Variants in PTCH1 observed in about 807,000 individuals in gnomAD.
PTCH1 encodes patched 1.
A neutral mutation model predicts 144.6 loss-of-function variants in PTCH1; 14 were observed. That is an observed-to-expected ratio of 0.10 (90% CI 0.06 to 0.15). The LOEUF (loss-of-function observed/expected upper bound fraction) is 0.15, where lower values mean the gene tolerates loss of function less well. Among genes scored for constraint, PTCH1 ranks in the 10% least tolerant of loss-of-function variants. The probability of loss-of-function intolerance (pLI) is 1.00; values close to 1 mark genes in which losing one functional copy is unlikely to be tolerated. For missense variants in PTCH1, 1,623 were observed against 1,948.3 expected (o/e 0.83, Z 3.14); for synonymous variants, 833 against 793.6 (o/e 1.05, Z -0.83).
rs915445373 is a variant in PTCH1 at position 95,444,732 on chromosome 9, C to G, written c.*1661G>C. 3 of 152,236 alleles carry G rather than the reference C, an allele frequency of 2.0e-5. No homozygotes were observed. The highest frequency in any genetic ancestry group is 6.5e-5 in the Admixed American group (1 of 15,284). The allele number at this position is 152,236 out of a possible 1,614,324, so 9.4% of individuals were successfully genotyped here. A position where few individuals can be genotyped will look rare whatever the true frequency, so the allele number is the denominator to read the frequency against. ...GGCTTCAGCCCTGCAGGGACCCCGC[C>G]CTTTCCTCTGACTTCTTGTCTGTAA... On this transcript the variant is annotated 3_prime_UTR_variant, in exon 24 of 24. Transcript: ENST00000331920.
intron 20 of PTCH1, 69 bp from the exon 21 acceptor site, chr9:95,450,009 G>A (rs1838325807): frequency 5.0e-6 from 7 of 1,387,822 alleles, no homozygotes; most frequent in African/African-American, 1.4e-5. Flanking sequence ...CCGTGTGCCC[G>A]ACACAGCAGC....
At position 95,508,244 on chromosome 9, in the gene PTCH1, G is replaced by A. The variant is rs1843895996; in HGVS notation, c.118C>T (p.Arg40Cys). Residue 40 changes from arginine (R) to cysteine (C), a missense_variant, in exon 1 of 24, where the codon CGC (arginine) becomes TGC (cysteine). Transcript: ENST00000331920. Reference protein sequence around the residue: ...GGRRRRTGGLRRAAAPDRDYL... With the variant: ...GGRRRRTGGLCRAAAPDRDYL... ...TCCCGGTCCGGCGCGGCAGCACGGC[G>A]CAGCCCCCCCGTCCGTCTGCGCCTC... 1 of 1,606,326 alleles carries A rather than the reference G, an allele frequency of 6.2e-7. No homozygotes were observed. The highest frequency in any genetic ancestry group is 8.5e-7 in the Non-Finnish European group (1 of 1,178,136).
At chr9:95,501,955 C>T (rs942006313) in intron 2 of PTCH1, among the ~76,000 whole-genome samples, 3 of 152,286 alleles carry the variant, frequency 2.0e-5, no homozygotes, top group East Asian at 1.9e-4. Flanking sequence ...GAGGCCAACA[C>T]GTGAGCACAC....
intron 16 of PTCH1, among the ~76,000 whole-genome samples, chr9:95,461,299 G>A (rs1427570160): frequency 6.6e-6 from 1 of 152,132 alleles, no homozygotes; most frequent in Non-Finnish European, 1.5e-5. Flanking sequence ...TTCCAAGGGT[G>A]CACATTTCCG....
At chr9:95,507,827 C>G (rs1032477746) in intron 1 of PTCH1, 16 of 860,296 alleles carry the variant, frequency 1.9e-5, no homozygotes, top group Middle Eastern at 4.5e-4. Context: ...AGGACAGTGC[C>G]GCGGCCGCCC....
intron 15 of PTCH1, among the ~76,000 whole-genome samples, chr9:95,465,078 G>T (rs1839880924): frequency 6.6e-6 from 1 of 151,382 alleles, no homozygotes; most frequent in South Asian, 2.1e-4. Context: ...TGATTCAAAT[G>T]CACCTTAAAA....
At chr9:95,492,235 T>C (rs1009623283) in intron 2 of PTCH1, among the ~76,000 whole-genome samples, 1 of 152,240 alleles carries the variant, frequency 6.6e-6, no homozygotes, top group Non-Finnish European at 1.5e-5. Flanking sequence ...TAGCCACTGA[T>C]GCAGGTATCT....
At chr9:95,460,806 C>A (rs1486074979) in intron 16 of PTCH1, among the ~76,000 whole-genome samples, 1 of 152,140 alleles carries the variant, frequency 6.6e-6, no homozygotes, top group Admixed American at 6.5e-5. Context: ...CCCACAGTAT[C>A]CCTGGTCCCT....
rs2136577556 is a variant in PTCH1 at position 95,447,189 on chromosome 9, G to A, written c.4067C>T (p.Ala1356Val). ...GTAGCCGGGCACGGAGCTGCCCATGGCAGTGGACGCTGGGTTCCGAGGGTT... is the reference window on the plus strand; with the variant it reads ...GTAGCCGGGCACGGAGCTGCCCATGACAGTGGACGCTGGGTTCCGAGGGTT... ...SHNPRNPASTAMGSSVPGYCQ... is the reference protein window; with the variant it reads ...SHNPRNPASTVMGSSVPGYCQ... The change falls in exon 23 of 24, where the codon GCC (alanine) becomes GTC (valine). Residue 1356 changes from alanine (A) to valine (V), a missense_variant. Physicochemically the swap from Ala to Val is moderately conservative, Grantham distance 64. Around this residue, in one of 7 missense-constraint regions of PTCH1, gnomAD observed 291 missense variants for 287.4 expected, o/e 1.01. Transcript: ENST00000331920. 6.2e-7 allele frequency: 1 copy of A among 1,613,014 alleles called. No individual in the cohort carries two copies. Among genetic ancestry groups the A allele is most frequent in the Non-Finnish European group, 8.5e-7 (1 of 1,179,920 alleles).
intron 9 of PTCH1, 36 bp from the exon 10 acceptor site, chr9:95,477,738 C>A (rs1027973653): frequency 1.2e-6 from 2 of 1,611,898 alleles, no homozygotes; most frequent in African/African-American, 1.3e-5. Flanking sequence ...GAACAAAAGC[C>A]GAACATTAGA....
At position 95,486,149 on chromosome 9, in the gene PTCH1, G is replaced by GA. The variant is rs3215874; in HGVS notation, c.395-276_395-275insT. Among the ~76,000 whole-genome samples the GA allele has an allele frequency of 0.11, 16,470 of 152,230 alleles. 1,003 individuals carry two copies. The highest frequency in any genetic ancestry group is 0.16 in the African/African-American group (6,653 of 41,490). On this transcript the variant is annotated intron_variant, in intron 2 of 23. Coordinates refer to ENST00000331920, the MANE Select transcript of PTCH1 (RefSeq NM_000264.5). ...ATACACTGTGTGACGAAAGTGGGGG[G>GA]CAGAAAGGAAAACTTGAGACACCTT...
At chr9:95,496,389 C>T (rs1842791449) in intron 2 of PTCH1, among the ~76,000 whole-genome samples, 1 of 151,992 alleles carries the variant, frequency 6.6e-6, no homozygotes. Flanking sequence ...TGGTTTCGGT[C>T]CGCAACAAAA....
In PTCH1 at chr9:95,453,505, G is replaced by C. The variant is rs376844749; in HGVS notation, c.3422C>G (p.Ala1141Gly). Residue 1141 changes from alanine (A) to glycine (G), a missense_variant, in exon 20 of 24, where the codon GCG (alanine) becomes GGG (glycine). Physicochemically the swap from Ala to Gly is moderately conservative, Grantham distance 60. This residue lies in a region of PTCH1 where 504 missense variants were observed against 679.3 expected (regional missense o/e 0.74). Transcript: ENST00000331920. ...GACAATGAAGTCGAACTCAGATCCC[G>C]CCAGCATCAGCACTCCCAGCAGAGT... ...VSTLLGVLML[A>G]GSEFDFIVRY... 6.2e-7 allele frequency: 1 copy of C among 1,614,040 alleles called. No homozygotes were observed. Among genetic ancestry groups the C allele is most frequent in the South Asian group, 1.1e-5 (1 of 91,078 alleles).
chr9:95,450,339 C>T (rs1838353161), intron 20 of PTCH1: 1 of 316,826 alleles, frequency 3.2e-6, no homozygotes, highest in Non-Finnish European at 6.0e-6. Context: ...GAAAACCCAG[C>T]AGAAGCAAAC....
In PTCH1 at chr9:95,468,692, C is replaced by A. The variant is rs1235826449; in HGVS notation, c.2250+59G>T. 5 of 1,591,068 alleles carry A rather than the reference C, an allele frequency of 3.1e-6. No individual in the cohort carries two copies. In the African/African-American group the frequency reaches 6.7e-5, roughly 21 times the overall value. ...AGAAAAGTAGAAGCAATCTGATGAA[C>A]TCCAAAGGTTCTGTTATTTTTTTGA... On this transcript the variant is annotated intron_variant, in intron 14 of 23. Transcript: ENST00000331920.
In PTCH1 at chr9:95,478,592, G is replaced by A. The variant is rs888563801; in HGVS notation, c.1216-406C>T. 2.0e-5 allele frequency among the ~76,000 whole-genome samples: 3 copies of A among 152,174 alleles called. No individual in the cohort carries two copies. The East Asian group carries it at 5.8e-4, about 29-fold the overall frequency. ...GTTCATTTGCTGGCCACTTTTAAAA[G>A]GTCACATGCAGCTCAGTAGAGGTCA... On this transcript the variant is annotated intron_variant, in intron 8 of 23. Coordinates refer to ENST00000331920, the MANE Select transcript of PTCH1 (RefSeq NM_000264.5).
chr9:95,473,542 A>AT (rs34481207), intron 12 of PTCH1, among the ~76,000 whole-genome samples: 2,034 of 119,000 alleles, frequency 0.017, 46 homozygotes, highest in African/African-American at 0.037. Context: ...TTTCTATCCT[A>AT]TTTTTTTTTT....
intron 2 of PTCH1, among the ~76,000 whole-genome samples, chr9:95,493,128 T>C (rs1842541899): frequency 6.6e-6 from 1 of 152,242 alleles, no homozygotes; most frequent in African/African-American, 2.4e-5. Flanking sequence ...TCAGGTGGGA[T>C]GCCAGCTGAC....
chr9:95,448,166 G>A (rs994838971), intron 22 of PTCH1, among the ~76,000 whole-genome samples: 1 of 152,222 alleles, frequency 6.6e-6, no homozygotes, highest in Non-Finnish European at 1.5e-5. Context: ...AAGTCGTTCA[G>A]CTTGTACCTA....
Sources: gnomAD v4.1 joint callset for allele counts (sites outside exome capture counted in the v4.1 genomes callset) on GRCh38, gnomAD v4.1.1 for gene constraint, gnomAD v4.1.1 regional missense constraint, MANE v1.5 for transcripts, NCBI Gene and HGNC (gene_info 2026-07-23, HGNC 2026-07-21) for gene names.